FRMD4A: variants seen among roughly 807,000 people sequenced by gnomAD.
The protein encoded by FRMD4A is FERM domain containing 4A.
In FRMD4A, 29 loss-of-function variants were observed where a neutral mutation model predicts 129.1. The ratio of observed to expected loss-of-function variants is 0.22; its 90% CI spans 0.17 to 0.31. The LOEUF is 0.31. Ranked by LOEUF, FRMD4A falls within the 10% of genes least tolerant of loss-of-function variation. The pLI is 1.00. For synonymous variants in FRMD4A, 634 were observed against 571.6 expected, an observed-to-expected ratio of 1.11 and a Z score of -1.56; for missense variants, 1,272 against 1,375.8, an observed-to-expected ratio of 0.92 and a Z score of 1.19.
intron 2 of FRMD4A, among the ~76,000 whole-genome samples, chr10:13,934,819 G>A (rs1429098940): frequency 2.0e-5 from 3 of 152,112 alleles, no homozygotes; most frequent in Non-Finnish European, 4.4e-5. Flanking sequence ...GCAGTCCCTT[G>A]GGCTTCTATA....
chr10:14,048,017 T>TA (rs1382498171), intron 2 of FRMD4A, among the ~76,000 whole-genome samples: 1 of 152,122 alleles, frequency 6.6e-6, no homozygotes, highest in Non-Finnish European at 1.5e-5. Context: ...AGTCACTCAA[T>TA]AAAAAATAGA....
intron 17 of FRMD4A, among the ~76,000 whole-genome samples, chr10:13,666,817 G>A (rs569961357): frequency 3.9e-5 from 6 of 151,910 alleles, no homozygotes; most frequent in Admixed American, 2.0e-4. Flanking sequence ...TGCCCCTCAC[G>A]TGTGCCTAAC....
chr10:14,322,042 C>A (rs1292447028), intron 2 of FRMD4A, among the ~76,000 whole-genome samples: 2 of 152,188 alleles, frequency 1.3e-5, no homozygotes, highest in Non-Finnish European at 2.9e-5. Context: ...GAGGCTTCTC[C>A]AGCCAGGCTT....
At chr10:13,774,188 T>C (rs2092539101) in intron 6 of FRMD4A, among the ~76,000 whole-genome samples, 1 of 152,184 alleles carries the variant, frequency 6.6e-6, no homozygotes, top group African/African-American at 2.4e-5. Flanking sequence ...CTCATATCCA[T>C]ATTTTAATTT....
At chr10:14,325,169 A>G (rs1589316117) in intron 2 of FRMD4A, among the ~76,000 whole-genome samples, 1 of 152,196 alleles carries the variant, frequency 6.6e-6, no homozygotes, top group Non-Finnish European at 1.5e-5. Flanking sequence ...ACAAAACTCA[A>G]TTTTATTCTA....
At chr10:14,099,759 A>C (rs1837199936) in intron 2 of FRMD4A, among the ~76,000 whole-genome samples, 1 of 152,214 alleles carries the variant, frequency 6.6e-6, no homozygotes, top group African/African-American at 2.4e-5. Context: ...GAGATTAAAT[A>C]ACTTATAAAA....
At chr10:14,302,155 T>C (rs2132091433) in intron 2 of FRMD4A, among the ~76,000 whole-genome samples, 1 of 152,332 alleles carries the variant, frequency 6.6e-6, no homozygotes, top group South Asian at 2.1e-4. Context: ...TCCAACCCTG[T>C]CCTTAAATGC....
chr10:14,022,637 A>G (rs1832810499), intron 2 of FRMD4A, among the ~76,000 whole-genome samples: 1 of 152,140 alleles, frequency 6.6e-6, no homozygotes, highest in South Asian at 2.1e-4. Context: ...GTTGGGCTAG[A>G]GATGATAATG....
intron 2 of FRMD4A, among the ~76,000 whole-genome samples, chr10:14,068,423 G>A (rs182287018): frequency 6.6e-6 from 1 of 152,312 alleles, no homozygotes; most frequent in East Asian, 1.9e-4. Flanking sequence ...TAAGTGTGAA[G>A]TAGAAAGATT....
intron 2 of FRMD4A, among the ~76,000 whole-genome samples, chr10:14,031,588 T>A (rs922074218): frequency 4.6e-5 from 7 of 152,186 alleles, no homozygotes; most frequent in Non-Finnish European, 1.0e-4. Context: ...CTCTTTCCCA[T>A]CTGTAACAGA....
At chr10:14,284,151 C>T (rs887099794) in intron 2 of FRMD4A, among the ~76,000 whole-genome samples, 1 of 152,092 alleles carries the variant, frequency 6.6e-6, no homozygotes, top group Admixed American at 6.6e-5. Flanking sequence ...TAATCAGTTC[C>T]GCAGAGGCTG....
intron 2 of FRMD4A, among the ~76,000 whole-genome samples, chr10:14,246,642 C>A (rs552944611): frequency 6.6e-6 from 1 of 152,200 alleles, no homozygotes; most frequent in Non-Finnish European, 1.5e-5. Context: ...CTTAATGCCA[C>A]TGATACAATA....
chr10:13,673,643 A>G (rs532345340), intron 16 of FRMD4A, among the ~76,000 whole-genome samples: 1 of 152,288 alleles, frequency 6.6e-6, no homozygotes, highest in Admixed American at 6.5e-5. Flanking sequence ...GAAGCCTTCA[A>G]ACACTTCTAA....
chr10:13,847,092 C>T (rs1386173612), intron 3 of FRMD4A, among the ~76,000 whole-genome samples: 1 of 152,146 alleles, frequency 6.6e-6, no homozygotes, highest in Non-Finnish European at 1.5e-5. Context: ...TAAAGCCTGG[C>T]CAATTTGGAG....
In FRMD4A at chr10:13,654,400, TAGA is replaced by T. The variant is rs753871837; in HGVS notation, c.3050+13_3050+15del. The T allele has an allele frequency of 5.2e-5, 79 of 1,528,548 alleles. No homozygotes were observed. The highest frequency in any genetic ancestry group is 8.3e-5 in the Admixed American group (5 of 59,906). 94.7% of individuals were successfully genotyped at this position (1,528,548 alleles called of 1,614,324 possible). On this transcript the variant is annotated intron_variant, in intron 23 of 24. Transcript: ENST00000357447. ...TTTCGAGCTGACACAGTGAAGAACATAGAAGGAGAACTCACCCAGTCTGCCAGG... is the reference window on the plus strand; with the variant it reads ...TTTCGAGCTGACACAGTGAAGAACATAGGAGAACTCACCCAGTCTGCCAGG...
chr10:13,733,340 GC>G (rs1273148523), intron 12 of FRMD4A, among the ~76,000 whole-genome samples: 1 of 152,216 alleles, frequency 6.6e-6, no homozygotes, highest in African/African-American at 2.4e-5. Flanking sequence ...CCACGGCCTT[GC>G]CTTTAAGTTC....
At chr10:13,776,530 T>C (rs375589324) in intron 6 of FRMD4A, among the ~76,000 whole-genome samples, 4 of 152,226 alleles carry the variant, frequency 2.6e-5, no homozygotes, top group African/African-American at 9.6e-5. Context: ...GCTAAAACTG[T>C]TGCAAGTGGC....
chr10:13,921,308 G>C (rs2095070643), intron 2 of FRMD4A, among the ~76,000 whole-genome samples: 1 of 29,212 alleles, frequency 3.4e-5, no homozygotes, highest in Non-Finnish European at 7.9e-5. Flanking sequence ...TGTTACCCAG[G>C]CTGGAGTGGA....
chr10:13,859,065 G>GTTCA (rs1222551041), intron 2 of FRMD4A, among the ~76,000 whole-genome samples, 153 bp from the exon 3 acceptor site: 1 of 152,172 alleles, frequency 6.6e-6, no homozygotes, highest in African/African-American at 2.4e-5. Flanking sequence ...GGAAGGATCA[G>GTTCA]TTCATTCATT....
Sources: allele counts gnomAD v4.1 joint callset (sites outside exome capture counted in the v4.1 genomes callset), GRCh38; gene constraint gnomAD v4.1.1; transcripts MANE v1.5; gene names NCBI Gene and HGNC (gene_info 2026-07-23, HGNC 2026-07-21).